The following FSTL5 variants were observed in gnomAD, a reference collection of about 807,000 sequenced individuals.
FSTL5 encodes follistatin like 5.
FSTL5 carries 62 observed loss-of-function variants against 89.1 expected under a neutral mutation model. That is an observed-to-expected ratio of 0.70 (90% CI 0.57 to 0.86). The LOEUF (loss-of-function observed/expected upper bound fraction) is 0.86. FSTL5 is among the 40% of genes least tolerant of loss of function. FSTL5 has a pLI of 0.00. For missense variants in FSTL5, 1,057 were observed against 1,001.6 expected, an observed-to-expected ratio of 1.06 and a Z score of -0.75; for synonymous variants, 383 against 346.2, an observed-to-expected ratio of 1.11 and a Z score of -1.18.
intron 4 of FSTL5, among the ~76,000 whole-genome samples, chr4:161,813,702 G>A (rs1313440553): frequency 2.6e-5 from 4 of 152,154 alleles, no homozygotes; most frequent in South Asian, 2.1e-4. Context: ...TCTAAATGAC[G>A]TCCTTGAAAA....
chr4:161,441,406 C>CA (rs978975377), intron 15 of FSTL5, among the ~76,000 whole-genome samples: 12 of 151,862 alleles, frequency 7.9e-5, no homozygotes, highest in Admixed American at 2.0e-4. Flanking sequence ...GTTCAGTTTA[C>CA]AAAAAAAGCA....
rs540396532 is a variant in FSTL5, at chr4:161,983,827, T to C, written c.160+49798A>G. Among the ~76,000 whole-genome samples the C allele has an allele frequency of 9.2e-5, 14 of 152,298 alleles. 1 individual carries two copies. The South Asian group carries it at 1.9e-3, about 20-fold the overall frequency. On this transcript the variant is annotated intron_variant, in intron 3 of 15. Transcript: ENST00000306100. ...TGATTCACATTAAATTAAACTCACATGATTTTGGGTCCTATAAACATGATA... is the reference window on the plus strand; with the variant it reads ...TGATTCACATTAAATTAAACTCACACGATTTTGGGTCCTATAAACATGATA...
chr4:161,495,657 A>C (rs1215698702), intron 12 of FSTL5, among the ~76,000 whole-genome samples: 1 of 152,142 alleles, frequency 6.6e-6, no homozygotes, highest in African/African-American at 2.4e-5. Context: ...GCAAGCAAAT[A>C]CCATTTTCTG....
At chr4:161,778,144 T>G (rs995414497) in intron 4 of FSTL5, among the ~76,000 whole-genome samples, 4 of 151,954 alleles carry the variant, frequency 2.6e-5, no homozygotes, top group Non-Finnish European at 5.9e-5. Flanking sequence ...AAAAATTCTC[T>G]AATATTTTCA....
At chr4:161,986,842 A>T (rs1417105072) in intron 3 of FSTL5, among the ~76,000 whole-genome samples, 1 of 152,172 alleles carries the variant, frequency 6.6e-6, no homozygotes, top group Admixed American at 6.6e-5. Context: ...TCCTGCTCAG[A>T]TAACTGCTGA....
intron 11 of FSTL5, among the ~76,000 whole-genome samples, chr4:161,505,982 T>A (rs922017058): frequency 5.9e-5 from 9 of 152,290 alleles, no homozygotes; most frequent in East Asian, 5.8e-4. Context: ...ATGCCATGAC[T>A]AAATCTCATG....
At chr4:162,057,971 A>T (rs1231044972) in intron 2 of FSTL5, among the ~76,000 whole-genome samples, 1 of 152,034 alleles carries the variant, frequency 6.6e-6, no homozygotes, top group Non-Finnish European at 1.5e-5. Flanking sequence ...AATAATAATA[A>T]TTCTGGGGTA....
chr4:161,928,898 A>C (rs1179474742), intron 3 of FSTL5, among the ~76,000 whole-genome samples: 1 of 151,730 alleles, frequency 6.6e-6, no homozygotes, highest in African/African-American at 2.4e-5. Flanking sequence ...AATTATAATT[A>C]AGTCCAACTC....
intron 7 of FSTL5, among the ~76,000 whole-genome samples, chr4:161,588,972 C>T (rs187284040): frequency 6.2e-4 from 93 of 149,960 alleles, no homozygotes; most frequent in African/African-American, 2.2e-3. Flanking sequence ...AAAGTTCACT[C>T]TGTGTAAAGA....
intron 6 of FSTL5, among the ~76,000 whole-genome samples, chr4:161,666,852 T>C (rs1736914838): frequency 6.6e-6 from 1 of 152,062 alleles, no homozygotes; most frequent in Admixed American, 6.6e-5. Context: ...TAAAAGCATT[T>C]AGCTACTAGG....
chr4:161,577,047 T>C (rs1733235908), intron 8 of FSTL5, among the ~76,000 whole-genome samples: 1 of 152,218 alleles, frequency 6.6e-6, no homozygotes, highest in Non-Finnish European at 1.5e-5. Context: ...GAAATCTATA[T>C]CTTAGGACAG....
chr4:161,465,590 A>C (rs1033009043), intron 13 of FSTL5, among the ~76,000 whole-genome samples: 5 of 152,176 alleles, frequency 3.3e-5, no homozygotes, highest in African/African-American at 1.2e-4. Context: ...AGTATAATTT[A>C]CACTTGACTA....
intron 3 of FSTL5, among the ~76,000 whole-genome samples, chr4:161,960,474 C>T (rs886135128): frequency 2.0e-5 from 3 of 151,882 alleles, no homozygotes; most frequent in East Asian, 1.9e-4. Flanking sequence ...TGAGCCACCA[C>T]GCCTGGCCAT....
intron 6 of FSTL5, among the ~76,000 whole-genome samples, chr4:161,671,192 G>A (rs112202981): frequency 9.4e-4 from 143 of 152,180 alleles, no homozygotes; most frequent in African/African-American, 3.0e-3. Context: ...ATCACCACAC[G>A]TGTGCAACTA....
At chr4:162,074,567 G>A (rs1387278234) in intron 2 of FSTL5, among the ~76,000 whole-genome samples, 1 of 151,592 alleles carries the variant, frequency 6.6e-6, no homozygotes, top group African/African-American at 2.4e-5. Context: ...CACCTACTGT[G>A]CACTGTGGAA....
intron 4 of FSTL5, among the ~76,000 whole-genome samples, chr4:161,835,724 C>T (rs1375248260): frequency 2.0e-5 from 3 of 152,212 alleles, no homozygotes; most frequent in South Asian, 4.1e-4. Context: ...CACTGGCTAT[C>T]AGACAAATGC....
At chr4:161,850,642 C>T (rs960138626) in intron 4 of FSTL5, among the ~76,000 whole-genome samples, 18 of 152,224 alleles carry the variant, frequency 1.2e-4, no homozygotes, top group Middle Eastern at 3.4e-3. Flanking sequence ...TTGTCTAAGG[C>T]TGATGGGAGC....
intron 15 of FSTL5, among the ~76,000 whole-genome samples, chr4:161,446,031 T>C (rs1283005783): frequency 6.6e-6 from 1 of 152,036 alleles, no homozygotes; most frequent in Non-Finnish European, 1.5e-5. Context: ...ATTTCTTTAT[T>C]GTACATGGAT....
intron 3 of FSTL5, among the ~76,000 whole-genome samples, chr4:161,930,268 A>C (rs1163355543): frequency 1.3e-5 from 2 of 151,900 alleles, no homozygotes; most frequent in African/African-American, 4.8e-5. Context: ...TAAACCAGCA[A>C]AACTAAATTC....
Sources: allele counts gnomAD v4.1 joint callset (sites outside exome capture counted in the v4.1 genomes callset), GRCh38; gene constraint gnomAD v4.1.1; transcripts MANE v1.5; gene names NCBI Gene and HGNC (gene_info 2026-07-23, HGNC 2026-07-21).